Variants in DYNC1I1 observed in about 807,000 individuals in gnomAD.
DYNC1I1 encodes cytoplasmic dynein 1 intermediate chain 1.
A neutral mutation model predicts 86.6 loss-of-function variants in DYNC1I1; 43 were observed. That is an observed-to-expected ratio of 0.50 (90% CI 0.39 to 0.64). DYNC1I1 has a LOEUF of 0.64. Ranked by LOEUF, DYNC1I1 falls within the 30% of genes least tolerant of loss-of-function variation. DYNC1I1 has a pLI of 0.00. For missense variants in DYNC1I1, 604 were observed against 788.8 expected (o/e 0.77, Z 2.81); for synonymous variants, 262 against 283.7 (o/e 0.92, Z 0.77).
At chr7:95,852,001 G>C (rs919907933) in intron 5 of DYNC1I1, among the ~76,000 whole-genome samples, 15 of 152,076 alleles carry the variant, frequency 9.9e-5, no homozygotes, top group Admixed American at 2.6e-4. Flanking sequence ...TCTGGCTTTG[G>C]TATCAGGGTA....
At chr7:96,041,186 C>A (rs974941316) in intron 14 of DYNC1I1, among the ~76,000 whole-genome samples, 5 of 152,058 alleles carry the variant, frequency 3.3e-5, no homozygotes, top group Non-Finnish European at 1.5e-5. Flanking sequence ...ATGGAAAAAA[C>A]CATGTTAAGA....
chr7:95,876,673 A>G (rs1451661155), intron 6 of DYNC1I1, among the ~76,000 whole-genome samples: 1 of 152,232 alleles, frequency 6.6e-6, no homozygotes, highest in Non-Finnish European at 1.5e-5. Flanking sequence ...ATAATCAATG[A>G]CACAGTCAAG....
intron 1 of DYNC1I1, among the ~76,000 whole-genome samples, chr7:95,773,220 C>A (rs1272840470): frequency 6.6e-6 from 1 of 152,218 alleles, no homozygotes; most frequent in Non-Finnish European, 1.5e-5. Flanking sequence ...ACATTTCGAG[C>A]TGTCTGCAAA....
At chr7:95,985,045 T>C in intron 8 of DYNC1I1, 68 bp downstream of exon 8, 4 of 1,570,410 alleles carry the variant, frequency 2.5e-6, no homozygotes, top group Non-Finnish European at 3.4e-6. Context: ...TTATTTATGT[T>C]CTGACTAGGA....
chr7:95,962,503 A>G (rs1792896641), intron 6 of DYNC1I1, among the ~76,000 whole-genome samples: 4 of 152,030 alleles, frequency 2.6e-5, no homozygotes, highest in Admixed American at 2.6e-4. Flanking sequence ...TACCTTGCAC[A>G]TTTTTGTGGC....
chr7:95,865,342 C>T lies in DYNC1I1; in HGVS notation c.375-4541C>T, dbSNP rs981608572. 3.9e-5 allele frequency among the ~76,000 whole-genome samples: 6 copies of T among 152,090 alleles called. No homozygotes were observed. In the East Asian group the frequency reaches 7.7e-4, roughly 20 times the overall value. The stretch of plus-strand genomic sequence containing the variant: ...ACACCACATGATTTTAAAATGATGC[C>T]GTGTCAACCAGGACATACATAATTT... On this transcript the variant is annotated intron_variant, in intron 5 of 16. Coordinates refer to ENST00000447467, the MANE Select transcript of DYNC1I1 (RefSeq NM_001135556.2).
intron 10 of DYNC1I1, among the ~76,000 whole-genome samples, chr7:96,005,836 C>A (rs739513): frequency 3.6e-4 from 55 of 152,046 alleles, no homozygotes; most frequent in African/African-American, 1.3e-3. Flanking sequence ...TTCAAAACGC[C>A]GTTGCTAGGC....
chr7:95,773,923 A>C (rs1233145798), intron 1 of DYNC1I1, among the ~76,000 whole-genome samples: 1 of 152,184 alleles, frequency 6.6e-6, no homozygotes, highest in South Asian at 2.1e-4. Flanking sequence ...TATTCAGTGC[A>C]ATTTGCAAGC....
At chr7:95,785,815 ATATT>A (rs1303746584) in intron 1 of DYNC1I1, among the ~76,000 whole-genome samples, 4 of 123,910 alleles carry the variant, frequency 3.2e-5, no homozygotes, top group South Asian at 2.6e-4. Flanking sequence ...ATATATATAT[ATATT>A]ATATATAACA....
At chr7:95,971,994 G>T (rs1249805711) in intron 6 of DYNC1I1, among the ~76,000 whole-genome samples, 1 of 152,128 alleles carries the variant, frequency 6.6e-6, no homozygotes, top group Non-Finnish European at 1.5e-5. Context: ...AAGGGCTCTG[G>T]CAGGAGCTCA....
chr7:96,030,380 G>T (rs1794781669), intron 11 of DYNC1I1, among the ~76,000 whole-genome samples: 1 of 146,210 alleles, frequency 6.8e-6, no homozygotes, highest in Non-Finnish European at 1.5e-5. Flanking sequence ...GTGTGTGTAG[G>T]CATGCTCCAG....
rs112490256 is a variant in DYNC1I1, at chr7:95,885,501, C to T, written c.490+15503C>T. 3.6e-4 allele frequency among the ~76,000 whole-genome samples: 55 copies of T among 151,782 alleles called. No homozygotes were observed. The East Asian group carries it at 7.2e-3, about 20-fold the overall frequency. On this transcript the variant is annotated intron_variant, in intron 6 of 16. Coordinates refer to ENST00000447467, the MANE Select transcript of DYNC1I1 (RefSeq NM_001135556.2). ...CCTTCATTTTTTTCTTCCTAAGAGA[C>T]GGAGTCTTGCTGTGTTGCCCAGTCT...
At position 95,925,533 on chromosome 7, in the gene DYNC1I1, C is replaced by T. The variant is rs559053322; in HGVS notation, c.491-51979C>T. On this transcript the variant is annotated intron_variant, in intron 6 of 16. Coordinates refer to ENST00000447467, the MANE Select transcript of DYNC1I1 (RefSeq NM_001135556.2). ...TGGAAGTTTGGAATAGGTTCCTTCC[C>T]GAGATTCTAAACAGAAATGGCTTTG... Among the ~76,000 whole-genome samples the T allele has an allele frequency of 1.3e-4, 20 of 152,250 alleles. No individual in the cohort carries two copies. The East Asian group carries it at 2.1e-3, about 16-fold the overall frequency.
rs557673880 is a variant in DYNC1I1, at chr7:95,867,720, G to GT, written c.375-2161dup. Among the ~76,000 whole-genome samples, 1,444 of 152,298 alleles carry GT rather than the reference G, an allele frequency of 9.5e-3. 17 individuals carry two copies. The highest frequency in any genetic ancestry group is 0.013 in the Non-Finnish European group (888 of 68,022). On this transcript the variant is annotated intron_variant, in intron 5 of 16. Coordinates refer to ENST00000447467, the MANE Select transcript of DYNC1I1 (RefSeq NM_001135556.2). ...GGGTCTCATGCAGGTGCCCAGGGCA[G>GT]TTGAGGGTTTAGGGTGATCTCTCTG...
intron 13 of DYNC1I1, among the ~76,000 whole-genome samples, chr7:96,036,740 A>G (rs879269306): frequency 2.6e-5 from 4 of 152,178 alleles, no homozygotes; most frequent in Admixed American, 2.0e-4. Context: ...GAACAGAGTG[A>G]GTCACACAAA....
At chr7:95,874,153 CT>C (rs1790243528) in intron 6 of DYNC1I1, among the ~76,000 whole-genome samples, 1 of 152,170 alleles carries the variant, frequency 6.6e-6, no homozygotes, top group Non-Finnish European at 1.5e-5. Context: ...CCCCTAAATC[CT>C]TCTTTTCAAC....
intron 5 of DYNC1I1, among the ~76,000 whole-genome samples, chr7:95,839,529 ATAATT>A (rs1488030790): frequency 6.6e-6 from 1 of 152,174 alleles, no homozygotes; most frequent in East Asian, 1.9e-4. Flanking sequence ...GTCCATTTAC[ATAATT>A]TAGTTATAGT....
chr7:95,829,345 C>A (rs956592817), intron 5 of DYNC1I1, among the ~76,000 whole-genome samples: 4 of 152,020 alleles, frequency 2.6e-5, no homozygotes, highest in Non-Finnish European at 4.4e-5. Flanking sequence ...TTTAGGTAAC[C>A]GATGCACTAT....
intron 6 of DYNC1I1, among the ~76,000 whole-genome samples, chr7:95,968,042 GT>G (rs1253546172): frequency 1.3e-5 from 2 of 152,108 alleles, no homozygotes; most frequent in African/African-American, 4.8e-5. Flanking sequence ...ACTATCAAAT[GT>G]TTCCACCAGG....
Sources: gnomAD v4.1 joint callset for allele counts (sites outside exome capture counted in the v4.1 genomes callset) on GRCh38, gnomAD v4.1.1 for gene constraint, MANE v1.5 for transcripts, NCBI Gene and HGNC (gene_info 2026-07-23, HGNC 2026-07-21) for gene names.